Variants in WDR62 observed in about 807,000 individuals in gnomAD.
The protein encoded by WDR62 is WD repeat domain 62.
A neutral mutation model predicts 160.6 loss-of-function variants in WDR62; 112 were observed. That is an observed-to-expected ratio of 0.70 (90% CI 0.60 to 0.82). WDR62 has a LOEUF of 0.82. Among genes scored for constraint, WDR62 ranks in the 40% least tolerant of loss-of-function variants. The probability of loss-of-function intolerance (pLI) is 0.00; values close to 1 mark genes in which losing one functional copy is unlikely to be tolerated. For missense variants in WDR62, 1,819 were observed against 1,983.8 expected, an observed-to-expected ratio of 0.92 and a Z score of 1.58; for synonymous variants, 792 against 815.1, an observed-to-expected ratio of 0.97 and a Z score of 0.48.
At chr19:36,086,530 A>C (rs1170078050) in intron 12 of WDR62, among the ~76,000 whole-genome samples, 157 bp from the exon 13 acceptor site, 3 of 152,146 alleles carry the variant, frequency 2.0e-5, no homozygotes, top group Non-Finnish European at 4.4e-5. Context: ...CACAGAGCTA[A>C]GGGAGTGGCC....
At position 36,071,633 on chromosome 19, in the gene WDR62, C is replaced by A; in HGVS notation, c.960C>A (p.Phe320Leu). 1 of 1,614,264 alleles carries A rather than the reference C, an allele frequency of 6.2e-7. No individual in the cohort carries two copies. The highest frequency in any genetic ancestry group is 1.6e-4 in the Middle Eastern group (1 of 6,062). Residue 320 changes from phenylalanine (F) to leucine (L), a missense_variant, in exon 8 of 32, where the codon TTC (phenylalanine) becomes TTA (leucine). Coordinates refer to ENST00000401500, the MANE Select transcript of WDR62 (RefSeq NM_001083961.2). ...GCACAGATGGGATAGTCCGCATCTT[C>A]CAGGCCCATAGCCTGCACTACCTCG... ...CGCTDGIVRI[F>L]QAHSLHYLAN...
intron 9 of WDR62, chr19:36,074,014 G>A (rs1323724943): frequency 3.0e-6 from 1 of 328,728 alleles, no homozygotes; most frequent in Non-Finnish European, 6.0e-6. Context: ...AAAAGGAGTT[G>A]AAGACGGGGC....
chr19:36,082,674 G>A (rs910721604), intron 10 of WDR62, among the ~76,000 whole-genome samples: 6 of 152,206 alleles, frequency 3.9e-5, no homozygotes, highest in Non-Finnish European at 4.4e-5. Context: ...GTAGTCTGAA[G>A]GTAACCAGTT....
intron 13 of WDR62, among the ~76,000 whole-genome samples, chr19:36,087,502 C>A (rs1972316126): frequency 6.8e-6 from 1 of 147,010 alleles, no homozygotes; most frequent in Admixed American, 6.9e-5. Flanking sequence ...CAATGCGAGA[C>A]TTTGTCTCAA....
rs750578742 is a variant in WDR62 at position 36,091,358 on chromosome 19, C to A, written c.2147-44C>A. On this transcript the variant is annotated intron_variant, in intron 17 of 31. Transcript: ENST00000401500. ...GGATGCCTCCCCACCCGCCCACACC[C>A]TCTGACTCCGAAGGCAAGTGCAGCC... 9 of 1,607,334 alleles carry A rather than the reference C, an allele frequency of 5.6e-6. No individual in the cohort carries two copies. The Admixed American group carries it at 1.3e-4, about 24-fold the overall frequency.
At position 36,072,360 on chromosome 19, in the gene WDR62, G is replaced by A. The variant is rs377041017; in HGVS notation, c.1043+644G>A. Among the ~76,000 whole-genome samples, 13 of 152,298 alleles carry A rather than the reference G, an allele frequency of 8.5e-5. No homozygotes were observed. The East Asian group carries it at 1.4e-3, about 16-fold the overall frequency. ...TAAGGGACTGTGTGGCCAGAGCCCA[G>A]TGTGTCCGGGGAGGATGGTGGGAGA... On this transcript the variant is annotated intron_variant, in intron 8 of 31. Coordinates refer to ENST00000401500, the MANE Select transcript of WDR62 (RefSeq NM_001083961.2).
At chr19:36,090,629 C>T in intron 16 of WDR62, 109 bp downstream of exon 16, 1 of 992,356 alleles carries the variant, frequency 1.0e-6, no homozygotes, top group South Asian at 1.3e-5. Flanking sequence ...ACCGCGCTGC[C>T]CAGCACCTTC....
Position 36,103,153 on chromosome 19 carries a change from C to T in WDR62, c.3463-3C>T, listed in dbSNP as rs758559467. ...TGTCCTCACCTCAGAGCTGTGCCTG[C>T]AGGTCCTCGCTGCAGGGAAGGCTGA... On this transcript the variant is annotated splice_region_variant and splice_polypyrimidine_tract_variant and intron_variant, in intron 28 of 31. Transcript: ENST00000401500. 9.9e-6 allele frequency: 16 copies of T among 1,613,948 alleles called. No homozygotes were observed. Among genetic ancestry groups the T allele is most frequent in the Non-Finnish European group, 1.4e-5 (16 of 1,180,040 alleles).
At position 36,071,576 on chromosome 19, in the gene WDR62, C is replaced by T; in HGVS notation, c.903C>T (p.Leu301=). ...INLKVSLSSC[L]CVSQELIFCG... ...TACAGGTCTCCCTGTCTTCCTGCCT[C>T]TGTGTCAGCCAGGAGCTCATCTTCT... The change falls in exon 8 of 32, where the codon CTC becomes CTT. Residue 301 remains leucine, a synonymous_variant. Transcript: ENST00000401500. The T allele has an allele frequency of 6.2e-7, 1 of 1,614,256 alleles. No homozygotes were observed. Among genetic ancestry groups the T allele is most frequent in the Non-Finnish European group, 8.5e-7 (1 of 1,180,046 alleles).
At chr19:36,059,207 T>C in intron 2 of WDR62, 3 of 459,590 alleles carry the variant, frequency 6.5e-6, no homozygotes, top group South Asian at 3.5e-5. Flanking sequence ...TCTGAGCCTC[T>C]TCCTCTGCCT....
intron 3 of WDR62, 115 bp from the exon 4 acceptor site, chr19:36,065,843 C>A: frequency 9.8e-7 from 1 of 1,018,556 alleles, no homozygotes; most frequent in Non-Finnish European, 1.6e-6. Context: ...CCTCTGCTGG[C>A]CTCTTCCGAG....
chr19:36,082,333 C>T (rs1184279371), intron 10 of WDR62, among the ~76,000 whole-genome samples: 3 of 152,132 alleles, frequency 2.0e-5, no homozygotes, highest in African/African-American at 4.8e-5. Flanking sequence ...CAGCTTCCCG[C>T]GGAAGGGACA....
Position 36,103,543 on chromosome 19 carries a change from G to T in WDR62, c.3715G>T (p.Gly1239Cys). ...SRSISLGDSE[G>C]PIVATLAQPL... ...CAGCATCTCCCTCGGTGACAGTGAG[G>T]GCCCTATCGTGGCCACACTGGCCCA... The change falls in exon 30 of 32, where the codon GGC (glycine) becomes TGC (cysteine). Residue 1239 changes from glycine (G) to cysteine (C), a missense_variant. Physicochemically the swap from Gly to Cys is radical, Grantham distance 159. Coordinates refer to ENST00000401500, the MANE Select transcript of WDR62 (RefSeq NM_001083961.2). 3.7e-6 allele frequency: 6 copies of T among 1,614,038 alleles called. No individual in the cohort carries two copies. Among genetic ancestry groups the T allele is most frequent in the Non-Finnish European group, 5.1e-6 (6 of 1,180,020 alleles).
downstream of WDR62, among the ~76,000 whole-genome samples, chr19:36,110,068 TA>T (rs1200006853): frequency 1.4e-5 from 2 of 147,006 alleles, no homozygotes; most frequent in Non-Finnish European, 1.5e-5. Flanking sequence ...AAAAAAAAAT[TA>T]AAAAACAGAG....
chr19:36,060,164 C>A, intron 3 of WDR62, 134 bp downstream of exon 3: 1 of 925,924 alleles, frequency 1.1e-6, no homozygotes, highest in Non-Finnish European at 1.7e-6. Context: ...CAGCATTCGC[C>A]TGTGCTGGGT....
rs551013571 is a variant in WDR62 at position 36,102,792 on chromosome 19, C to T, written c.3276C>T (p.Phe1092=). ...DVEASEAEDH[F]FNPRLSISTQ... ...AGGCCTCTGAAGCTGAAGACCACTT[C>T]TTCAACCCACGCCTGAGTATCTCCA... The change falls in exon 27 of 32, where the codon TTC becomes TTT. Residue 1092 remains phenylalanine (F), a synonymous_variant. Coordinates refer to ENST00000401500, the MANE Select transcript of WDR62 (RefSeq NM_001083961.2). 4.3e-6 allele frequency: 7 copies of T among 1,614,116 alleles called. No individual in the cohort carries two copies. Among genetic ancestry groups the T allele is most frequent in the East Asian group, 2.2e-5 (1 of 44,886 alleles).
chr19:36,072,881 C>T (rs915991211), intron 8 of WDR62, among the ~76,000 whole-genome samples: 1 of 152,168 alleles, frequency 6.6e-6, no homozygotes, highest in African/African-American at 2.4e-5. Context: ...GTAAAACTCT[C>T]GGCCTGGCAC....
At chr19:36,090,297 A>G in intron 15 of WDR62, 148 bp from the exon 16 acceptor site, 1 of 742,536 alleles carries the variant, frequency 1.3e-6, no homozygotes, top group Admixed American at 1.9e-5. Context: ...CCTCAGCTTG[A>G]GATGGGGTTT....
intron 21 of WDR62, among the ~76,000 whole-genome samples, chr19:36,097,708 A>AC (rs1973058404): frequency 1.3e-5 from 2 of 151,698 alleles, no homozygotes; most frequent in African/African-American, 2.4e-5. Flanking sequence ...ATATAGTGAG[A>AC]CCCCATCTCT....
Sources: gnomAD v4.1 joint callset for allele counts (sites outside exome capture counted in the v4.1 genomes callset) on GRCh38, gnomAD v4.1.1 for gene constraint, MANE v1.5 for transcripts, NCBI Gene and HGNC (gene_info 2026-07-23, HGNC 2026-07-21) for gene names.